The following CPXM2 variants were observed in gnomAD, a reference collection of about 807,000 sequenced individuals.
The protein encoded by CPXM2 is carboxypeptidase X, M14 family member 2.
Under a neutral mutation model 86.1 loss-of-function variants are expected in CPXM2, and 66 were observed. The observed-to-expected ratio is 0.77, with a 90% CI of 0.63 to 0.94. The LOEUF (loss-of-function observed/expected upper bound fraction) is 0.94, where lower values mean the gene tolerates loss of function less well. Among genes scored for constraint, CPXM2 ranks in the 40% least tolerant of loss-of-function variants. The pLI is 0.00. For synonymous variants in CPXM2, 388 were observed against 400.2 expected, an observed-to-expected ratio of 0.97 and a Z score of 0.36; for missense variants, 948 against 1,026.3, an observed-to-expected ratio of 0.92 and a Z score of 1.04.
At chr10:123,919,158 T>C (rs1029039148) in intron 2 of CPXM2, among the ~76,000 whole-genome samples, 2 of 152,202 alleles carry the variant, frequency 1.3e-5, no homozygotes, top group African/African-American at 4.8e-5. Context: ...GGACCCAGAC[T>C]GGACCCTGGG....
chr10:123,752,258 GA>G, intron 13 of CPXM2: 1 of 985,270 alleles, frequency 1.0e-6, no homozygotes, highest in African/African-American at 1.7e-5. Flanking sequence ...ATAAATATAT[GA>G]AAAAAATGAA....
chr10:123,797,243 T>C (rs970378343), intron 6 of CPXM2, among the ~76,000 whole-genome samples: 17 of 152,232 alleles, frequency 1.1e-4, no homozygotes, highest in Admixed American at 2.6e-4. Context: ...AGAAAAAGAC[T>C]GTCAATGGTT....
At chr10:123,898,555 T>C (rs773924734) in intron 2 of CPXM2, among the ~76,000 whole-genome samples, 2 of 152,184 alleles carry the variant, frequency 1.3e-5, no homozygotes, top group African/African-American at 2.4e-5. Flanking sequence ...GGAGGATCAC[T>C]TGAGCCCAGG....
chr10:123,851,628 G>A (rs1403872900), intron 3 of CPXM2, among the ~76,000 whole-genome samples: 1 of 152,118 alleles, frequency 6.6e-6, no homozygotes, highest in Non-Finnish European at 1.5e-5. Context: ...AATTAGCCGG[G>A]CATGGTGGCA....
intron 4 of CPXM2, among the ~76,000 whole-genome samples, chr10:123,840,658 A>G (rs892172555): frequency 1.3e-5 from 2 of 151,246 alleles, no homozygotes; most frequent in Admixed American, 1.3e-4. Context: ...ATATGGGGGG[A>G]AAAATCTGTT....
chr10:123,774,252 G>A (rs886923122), intron 7 of CPXM2, among the ~76,000 whole-genome samples: 4 of 152,206 alleles, frequency 2.6e-5, no homozygotes, highest in Non-Finnish European at 5.9e-5. Context: ...AAGCTGAGCT[G>A]GAACTGAATT....
chr10:123,929,276 G>A (rs1468033952), intron 2 of CPXM2, among the ~76,000 whole-genome samples: 4 of 152,142 alleles, frequency 2.6e-5, no homozygotes, highest in Non-Finnish European at 4.4e-5. Context: ...GATGAATTTC[G>A]GAGGATTCAT....
chr10:123,785,514 C>A (rs963340480), intron 6 of CPXM2, among the ~76,000 whole-genome samples: 4 of 152,160 alleles, frequency 2.6e-5, no homozygotes, highest in African/African-American at 9.7e-5. Flanking sequence ...GTCGTTGGAA[C>A]CCCTCAGTCC....
At chr10:123,748,543 G>A (rs1846012248) in intron 13 of CPXM2, among the ~76,000 whole-genome samples, 1 of 152,120 alleles carries the variant, frequency 6.6e-6, no homozygotes, top group Non-Finnish European at 1.5e-5. Flanking sequence ...AAATGTGGAG[G>A]CAGTCGTTTG....
At chr10:123,924,094 T>G (rs1189688967) in intron 2 of CPXM2, among the ~76,000 whole-genome samples, 1 of 152,250 alleles carries the variant, frequency 6.6e-6, no homozygotes, top group Admixed American at 6.5e-5. Flanking sequence ...TTTTTCTTTC[T>G]ACACTCTCAC....
At chr10:123,943,042 C>T (rs1405524126), upstream of CPXM2, among the ~76,000 whole-genome samples, 2 of 152,174 alleles carry the variant, frequency 1.3e-5, no homozygotes, top group Non-Finnish European at 2.9e-5. Flanking sequence ...TACCATATGG[C>T]CATACCAGTA....
chr10:123,799,018 C>A, intron 5 of CPXM2, 97 bp downstream of exon 5: 1 of 1,399,014 alleles, frequency 7.1e-7, no homozygotes, highest in Non-Finnish European at 1.0e-6. Context: ...GACAGAGAAT[C>A]CACAAATCTC....
intron 11 of CPXM2, 27 bp downstream of exon 11, chr10:123,761,845 C>A: frequency 6.2e-7 from 1 of 1,605,956 alleles, no homozygotes; most frequent in Non-Finnish European, 8.5e-7. Context: ...GCGCCCGCAG[C>A]CCACTCTCCC....
In CPXM2 at chr10:123,843,432, AT is replaced by A. The variant is rs5788632; in HGVS notation, c.514-945del. Among the ~76,000 whole-genome samples the A allele has an allele frequency of 1.9e-3, 246 of 126,364 alleles. 6 individuals are homozygous for A. Among genetic ancestry groups the A allele is most frequent in the African/African-American group, 5.0e-3 (170 of 33,876 alleles). The allele number at this position is 126,364 out of a possible 152,430, so 82.9% of individuals were successfully genotyped here. A position where few individuals can be genotyped will look rare whatever the true frequency, so the allele number is the denominator to read the frequency against. ...TTTTCCATGGCTATTTCACAGAGCT[AT>A]TTTTTTTTTTTTTTTTTTGAGACGG... On this transcript the variant is annotated intron_variant, in intron 3 of 13. Transcript: ENST00000241305.
chr10:123,835,845 A>G (rs933327333), intron 4 of CPXM2, among the ~76,000 whole-genome samples: 1 of 152,214 alleles, frequency 6.6e-6, no homozygotes, highest in African/African-American at 2.4e-5. Flanking sequence ...GGGGACACAG[A>G]GGCCGGGACG....
intron 7 of CPXM2, among the ~76,000 whole-genome samples, chr10:123,775,351 G>A (rs1846760534): frequency 6.6e-6 from 1 of 152,152 alleles, no homozygotes; most frequent in Non-Finnish European, 1.5e-5. Flanking sequence ...TCTTACATTG[G>A]GATCAGTAAC....
chr10:123,819,146 T>C (rs536801966), intron 4 of CPXM2, among the ~76,000 whole-genome samples: 16 of 152,260 alleles, frequency 1.1e-4, no homozygotes, highest in East Asian at 3.9e-4. Context: ...GCTGGGGTGA[T>C]TGACCCAGAC....
At chr10:123,939,674 TG>T (rs1945756661) in intron 1 of CPXM2, 1 of 152,182 alleles carries the variant, frequency 6.6e-6, no homozygotes, top group Non-Finnish European at 1.5e-5. Context: ...GGGGATGGCA[TG>T]GGGAGGCCGG....
intron 4 of CPXM2, among the ~76,000 whole-genome samples, chr10:123,839,559 A>C (rs987958755): frequency 6.6e-6 from 1 of 152,196 alleles, no homozygotes; most frequent in Non-Finnish European, 1.5e-5. Context: ...GGAATCACAG[A>C]CTAGTGGGAA....
Sources: allele counts gnomAD v4.1 joint callset (sites outside exome capture counted in the v4.1 genomes callset), GRCh38; gene constraint gnomAD v4.1.1; transcripts MANE v1.5; gene names NCBI Gene and HGNC (gene_info 2026-07-23, HGNC 2026-07-21).